The following LNX1 variants were observed in gnomAD, a reference collection of about 807,000 sequenced individuals.
LNX1 encodes E3 ubiquitin-protein ligase LNX.
In LNX1, 54 loss-of-function variants were observed where a neutral mutation model predicts 68.4. That is an observed-to-expected ratio of 0.79 (90% CI 0.63 to 0.99). The LOEUF (loss-of-function observed/expected upper bound fraction) is 0.99. Among genes scored for constraint, LNX1 ranks in the 50% least tolerant of loss-of-function variants. The pLI is 0.00. For synonymous variants in LNX1, 336 were observed against 350.0 expected, an observed-to-expected ratio of 0.96 and a Z score of 0.45; for missense variants, 906 against 926.4, an observed-to-expected ratio of 0.98 and a Z score of 0.29.
At chr4:53,649,567 C>G (rs1735015952) in intron 1 of LNX1, among the ~76,000 whole-genome samples, 1 of 152,234 alleles carries the variant, frequency 6.6e-6, no homozygotes, top group Non-Finnish European at 1.5e-5. Context: ...CCTCTTGCCT[C>G]TGGCCCTGCA....
chr4:53,459,635 C>G lies in LNX1; in HGVS notation c.*1272G>C. 1 of 780,236 alleles carries G rather than the reference C, an allele frequency of 1.3e-6. No homozygotes were observed. Among genetic ancestry groups the G allele is most frequent in the Non-Finnish European group, 2.0e-6 (1 of 489,912 alleles). The allele number at this position is 780,236 out of a possible 1,614,324, so 48.3% of individuals were successfully genotyped here. A position where few individuals can be genotyped will look rare whatever the true frequency, so the allele number is the denominator to read the frequency against. The stretch of plus-strand genomic sequence containing the variant: ...TTAAGTTAAAAATCTTTGTCTTGTA[C>G]TATTTCAAAAATAAAAAGACAGCAA... On this transcript the variant is annotated 3_prime_UTR_variant, in exon 11 of 11. Coordinates refer to ENST00000263925, the MANE Select transcript of LNX1 (RefSeq NM_001126328.3).
chr4:53,610,934 T>C (rs538963553), intron 2 of LNX1, among the ~76,000 whole-genome samples: 2 of 151,954 alleles, frequency 1.3e-5, no homozygotes, highest in East Asian at 3.9e-4. Flanking sequence ...AATGCAAAAT[T>C]ATAAAAGATC....
upstream of LNX1, among the ~76,000 whole-genome samples, chr4:53,595,821 G>C (rs1005199524): frequency 6.6e-6 from 1 of 152,178 alleles, no homozygotes; most frequent in Non-Finnish European, 1.5e-5. Flanking sequence ...CTACAGCGAA[G>C]ACCATGCCTT....
rs1447418618 is a variant in LNX1 at position 53,566,522 on chromosome 4, C to T, written c.380+7101G>A. Among the ~76,000 whole-genome samples, 1,323 of 148,990 alleles carry T rather than the reference C, an allele frequency of 8.9e-3. 11 individuals carry two copies. The highest frequency in any genetic ancestry group is 0.031 in the African/African-American group (1,229 of 40,174). On this transcript the variant is annotated intron_variant, in intron 2 of 10. Coordinates refer to ENST00000263925, the MANE Select transcript of LNX1 (RefSeq NM_001126328.3). The stretch of plus-strand genomic sequence containing the variant: ...AGCGCTAAACATGGAAAGGAACAAC[C>T]GGTACCAGCCGCTGCAAAATCATGC...
At chr4:53,636,359 A>G (rs1402219892) in intron 1 of LNX1, among the ~76,000 whole-genome samples, 2 of 152,032 alleles carry the variant, frequency 1.3e-5, no homozygotes, top group Non-Finnish European at 2.9e-5. Flanking sequence ...TAAAGTGGCC[A>G]GGGTTGAAAA....
intron 2 of LNX1, among the ~76,000 whole-genome samples, chr4:53,610,175 CAA>C (rs1403482525): frequency 6.6e-6 from 1 of 151,904 alleles, no homozygotes; most frequent in Non-Finnish European, 1.5e-5. Context: ...TACCTGACTA[CAA>C]AGAAAACTTG....
chr4:53,608,789 A>G (rs1312824052), intron 2 of LNX1, among the ~76,000 whole-genome samples: 1 of 152,170 alleles, frequency 6.6e-6, no homozygotes, highest in African/African-American at 2.4e-5. Context: ...CATAAAAAGA[A>G]TGAGATCATG....
intron 2 of LNX1, among the ~76,000 whole-genome samples, chr4:53,615,638 GT>G (rs1182205261): frequency 6.6e-6 from 1 of 152,128 alleles, no homozygotes; most frequent in African/African-American, 2.4e-5. Context: ...AATAATAAAG[GT>G]TGTTGTTTTA....
chr4:53,520,356 C>A (rs184075663), intron 2 of LNX1, among the ~76,000 whole-genome samples: 2 of 152,302 alleles, frequency 1.3e-5, no homozygotes, highest in Admixed American at 6.5e-5. Context: ...ATTCCAAAGC[C>A]ACAACCAGAT....
chr4:53,555,562 C>A (rs924488040), intron 2 of LNX1, among the ~76,000 whole-genome samples: 3 of 152,168 alleles, frequency 2.0e-5, no homozygotes, highest in African/African-American at 7.2e-5. Context: ...CTCAATTAGA[C>A]TGTCAACTCC....
chr4:53,518,667 C>G (rs1448929267), intron 2 of LNX1, among the ~76,000 whole-genome samples: 1 of 152,122 alleles, frequency 6.6e-6, no homozygotes, highest in Non-Finnish European at 1.5e-5. Flanking sequence ...AGATTAAGAA[C>G]TTTCCAAAAG....
intron 1 of LNX1, chr4:53,652,059 GAGAC>G (rs1735129433): frequency 6.7e-6 from 1 of 148,812 alleles, no homozygotes; most frequent in Non-Finnish European, 1.5e-5. Context: ...GAGAGAGAGA[GAGAC>G]AGAGAAAGAG....
At chr4:53,526,484 C>T (rs954666474) in intron 2 of LNX1, among the ~76,000 whole-genome samples, 1 of 151,996 alleles carries the variant, frequency 6.6e-6, no homozygotes, top group African/African-American at 2.4e-5. Flanking sequence ...CAATGAAAAC[C>T]CTTGGCCAAG....
chr4:53,495,965 G>C (rs1579409542), intron 6 of LNX1, 58 bp downstream of exon 6: 1 of 1,562,976 alleles, frequency 6.4e-7, no homozygotes, highest in East Asian at 2.3e-5. Context: ...AGGGGGATGT[G>C]CATTCTTGCT....
chr4:53,524,641 T>C (rs1233129490), intron 2 of LNX1, among the ~76,000 whole-genome samples: 1 of 152,214 alleles, frequency 6.6e-6, no homozygotes, highest in Non-Finnish European at 1.5e-5. Flanking sequence ...CAATATTGTC[T>C]CCAGGGCTGA....
intron 2 of LNX1, among the ~76,000 whole-genome samples, chr4:53,516,167 A>T (rs879543600): frequency 4.6e-5 from 7 of 152,166 alleles, no homozygotes; most frequent in African/African-American, 9.7e-5. Flanking sequence ...GCTTGAGCCC[A>T]GAAGTTCAAG....
At chr4:53,583,873 A>C (rs1731986104) in intron 1 of LNX1, among the ~76,000 whole-genome samples, 1 of 152,140 alleles carries the variant, frequency 6.6e-6, no homozygotes, top group Non-Finnish European at 1.5e-5. Context: ...TCTGTAACAG[A>C]AAAGATGTCC....
In LNX1 at chr4:53,530,041, T is replaced by C. The variant is rs530280818; in HGVS notation, c.381-21814A>G. Among the ~76,000 whole-genome samples the C allele has an allele frequency of 1.2e-4, 19 of 152,336 alleles. No individual in the cohort carries two copies. The East Asian group carries it at 3.5e-3, about 28-fold the overall frequency. ...CATTTAAAGAAATAGAAGTTTGATA[T>C]GTTTTATCAAGTAAAAATTAAATAC... On this transcript the variant is annotated intron_variant, in intron 2 of 10. Coordinates refer to ENST00000263925, the MANE Select transcript of LNX1 (RefSeq NM_001126328.3).
At chr4:53,544,861 C>A (rs1728997032) in intron 2 of LNX1, among the ~76,000 whole-genome samples, 1 of 152,190 alleles carries the variant, frequency 6.6e-6, no homozygotes, top group African/African-American at 2.4e-5. Context: ...GAAGTTAAGG[C>A]AATTGCCCAA....
Sources: allele counts gnomAD v4.1 joint callset (sites outside exome capture counted in the v4.1 genomes callset), GRCh38; gene constraint gnomAD v4.1.1; transcripts MANE v1.5; gene names NCBI Gene and HGNC (gene_info 2026-07-23, HGNC 2026-07-21).